The following ADPRHL1 variants were observed in gnomAD, a reference collection of about 807,000 sequenced individuals.
ADPRHL1 encodes the protein ADP-ribosylhydrolase like 1.
In ADPRHL1, 43 loss-of-function variants were observed where a neutral mutation model predicts 44.1. That is an observed-to-expected ratio of 0.98 (90% CI 0.76 to 1.26). ADPRHL1 has a LOEUF of 1.26. Ranked by LOEUF, ADPRHL1 falls within the 50% of genes most tolerant of loss-of-function variation. The pLI is 0.00. For synonymous variants in ADPRHL1, 878 were observed against 1,017.4 expected, an observed-to-expected ratio of 0.86 and a Z score of 2.61; for missense variants, 2,022 against 2,496.9, an observed-to-expected ratio of 0.81 and a Z score of 4.05.
intron 1 of ADPRHL1, among the ~76,000 whole-genome samples, chr13:113,451,654 A>G (rs1411061602): frequency 1.3e-5 from 2 of 152,110 alleles, no homozygotes; most frequent in African/African-American, 4.8e-5. Flanking sequence ...CTAAAAATAC[A>G]AAAATCAGCC....
intron 2 of ADPRHL1, among the ~76,000 whole-genome samples, chr13:113,438,577 C>T (rs1248517028): frequency 6.6e-6 from 1 of 152,086 alleles, no homozygotes. Context: ...ACCTGTAGTC[C>T]CAGCTACTCT....
chr13:113,409,938 C>T lies in ADPRHL1; in HGVS notation c.1062-1718G>A, dbSNP rs979256853. The T allele has an allele frequency of 1.1e-5, 11 of 984,038 alleles. No homozygotes were observed. The highest frequency in any genetic ancestry group is 4.7e-5 in the South Asian group (1 of 21,244). The allele number at this position is 984,038 out of a possible 1,614,324, so 61.0% of individuals were successfully genotyped here. ...GAAGCTGAGCAGGCTGAAAAGAGAC[C>T]GGAAGGAAATGTGTGAACATACTTC... On this transcript the variant is annotated intron_variant, in intron 7 of 7. Transcript: ENST00000612156. This position sits in a 1 kb window ranked among gnomAD's most constrained non-coding sequence, Gnocchi z 4.2.
At chr13:113,417,214 G>A (rs2043891340) in intron 7 of ADPRHL1, among the ~76,000 whole-genome samples, 1 of 152,200 alleles carries the variant, frequency 6.6e-6, no homozygotes. Context: ...TGTGGGACAA[G>A]ACAAGGCTGT....
At chr13:113,445,326 C>T (rs1379244006) in intron 1 of ADPRHL1, among the ~76,000 whole-genome samples, 1 of 152,266 alleles carries the variant, frequency 6.6e-6, no homozygotes, top group South Asian at 2.1e-4. Flanking sequence ...AAGGTGTTTG[C>T]CTGCAAAGCC....
chr13:113,431,421 A>G (rs926369309), intron 3 of ADPRHL1, among the ~76,000 whole-genome samples: 1 of 152,268 alleles, frequency 6.6e-6, no homozygotes, highest in East Asian at 1.9e-4. Flanking sequence ...GCCCGGCGGG[A>G]GGGCTGCAGC....
chr13:113,430,562 G>A (rs989268379), intron 3 of ADPRHL1, among the ~76,000 whole-genome samples: 1 of 152,176 alleles, frequency 6.6e-6, no homozygotes, highest in Non-Finnish European at 1.5e-5. Context: ...ACAGTGTGGT[G>A]CCAGTGACTG....
intron 1 of ADPRHL1, among the ~76,000 whole-genome samples, chr13:113,451,674 G>A (rs553896556): frequency 7.9e-5 from 12 of 152,230 alleles, no homozygotes; most frequent in African/African-American, 2.4e-4. Context: ...CGGGCGTGGT[G>A]GTGGGCACCT....
intron 2 of ADPRHL1, among the ~76,000 whole-genome samples, chr13:113,436,421 A>G (rs1485940883): frequency 6.5e-4 from 6 of 9,214 alleles, no homozygotes; most frequent in Non-Finnish European, 8.4e-4. Context: ...TGTAGGGTGA[A>G]CATAGGTGTA....
chr13:113,418,032 A>G (rs1000217099), intron 7 of ADPRHL1, among the ~76,000 whole-genome samples: 6 of 152,194 alleles, frequency 3.9e-5, no homozygotes, highest in Admixed American at 2.6e-4. Context: ...AGGTTATGCA[A>G]TCGCCAGGGT....
chr13:113,403,676 A>G lies in ADPRHL1; in HGVS notation c.5606T>C (p.Leu1869Pro), dbSNP rs1473877466. Reference sequence around the variant, plus strand: ...AGAGGTGGCAATGCTCTTGCCCCTGAGGGGGCGGCTTCCTGGGGGTGGGTA... The same window carrying G: ...AGAGGTGGCAATGCTCTTGCCCCTGGGGGGGCGGCTTCCTGGGGGTGGGTA... ...AGYPPPGSRP[L>P]RGKSIATSPL... Residue 1869 changes from leucine to proline, a missense_variant, in exon 8 of 8, where the codon CTC becomes CCC. Leu to Pro is a moderately conservative substitution (Grantham distance 98). This residue lies in a region of ADPRHL1 where 205 missense variants were observed against 250.1 expected (regional missense o/e 0.82). Transcript: ENST00000612156. 8.1e-7 allele frequency: 1 copy of G among 1,231,688 alleles called. No individual in the cohort carries two copies. Among genetic ancestry groups the G allele is most frequent in the African/African-American group, 1.6e-5 (1 of 64,336 alleles). The allele number at this position is 1,231,688 out of a possible 1,614,324, so 76.3% of individuals were successfully genotyped here. A position where few individuals can be genotyped will look rare whatever the true frequency, so the allele number is the denominator to read the frequency against.
intron 1 of ADPRHL1, among the ~76,000 whole-genome samples, chr13:113,452,259 C>A (rs2044183405): frequency 6.6e-6 from 1 of 152,156 alleles, no homozygotes; most frequent in African/African-American, 2.4e-5. Flanking sequence ...CAGTCGGACG[C>A]CTCCCCGTCT....
At position 113,407,440 on chromosome 13, in the gene ADPRHL1, C is replaced by A. The variant is rs548639724; in HGVS notation, c.1842G>T (p.Thr614=). 44 of 1,231,970 alleles carry A rather than the reference C, an allele frequency of 3.6e-5. No individual in the cohort carries two copies. The highest frequency in any genetic ancestry group is 4.5e-5 in the Non-Finnish European group (44 of 987,990). The allele number at this position is 1,231,970 out of a possible 1,614,324, so 76.3% of individuals were successfully genotyped here. A position where few individuals can be genotyped will look rare whatever the true frequency, so the allele number is the denominator to read the frequency against. The change falls in exon 8 of 8, where the codon ACG becomes ACT. Residue 614 remains threonine (T), a synonymous_variant. Coordinates refer to ENST00000612156, the MANE Select transcript of ADPRHL1 (RefSeq NM_001394807.1). ...TGCTGAGGGCCGGCAGGGGCTCAGC[C>A]GTGCAGGCCAGAAAGCGGGCAGGGG... ...KMPPARFLAC[T]AEPLPALSIA... is the part of the protein sequence containing the mutation.
Position 113,411,199 on chromosome 13 carries a change from A to G in ADPRHL1, c.1062-2979T>C, listed in dbSNP as rs551381639. Among the ~76,000 whole-genome samples the G allele has an allele frequency of 3.6e-3, 544 of 152,350 alleles. 3 individuals are homozygous for G. The highest frequency in any genetic ancestry group is 0.01 in the Middle Eastern group (3 of 294). On this transcript the variant is annotated intron_variant, in intron 7 of 7. Transcript: ENST00000612156. ...TGAAAAACAGAGCTGGAATTAAACC[A>G]GCTCATCCTCCTGCCTTGTTAGGAG...
chr13:113,451,672 G>A (rs1348256416), intron 1 of ADPRHL1, among the ~76,000 whole-genome samples: 5 of 152,110 alleles, frequency 3.3e-5, no homozygotes, highest in Non-Finnish European at 5.9e-5. Context: ...GCCGGGCGTG[G>A]TGGTGGGCAC....
chr13:113,408,068 C>A lies in ADPRHL1; in HGVS notation c.1214G>T (p.Gly405Val). Residue 405 changes from glycine (G) to valine (V), a missense_variant, in exon 8 of 8, where the codon GGG (glycine) becomes GTG (valine). Physicochemically the swap from Gly to Val is moderately radical, Grantham distance 109 (BLOSUM62 -3). Transcript: ENST00000612156. ...YVTGRADRPP[G>V]TEAGGSRPSH... ...GGGCCTGCTCCCCCCGGCCTCTGTC[C>A]CCGGGGGCCGGTCTGCGCGGCCCGT... The A allele has an allele frequency of 8.1e-7, 1 of 1,232,038 alleles. No individual in the cohort carries two copies. Among genetic ancestry groups the A allele is most frequent in the Non-Finnish European group, 1.0e-6 (1 of 987,972 alleles). The allele number at this position is 1,232,038 out of a possible 1,614,324, so 76.3% of individuals were successfully genotyped here. A position where few individuals can be genotyped will look rare whatever the true frequency, so the allele number is the denominator to read the frequency against.
At chr13:113,428,055 C>T (rs1377072477) in intron 4 of ADPRHL1, among the ~76,000 whole-genome samples, 2 of 152,116 alleles carry the variant, frequency 1.3e-5, no homozygotes, top group African/African-American at 2.4e-5. Context: ...GAAGTCAGGG[C>T]GACCTGGTGA....
intron 1 of ADPRHL1, among the ~76,000 whole-genome samples, chr13:113,447,809 G>T (rs964580031): frequency 6.6e-6 from 1 of 152,154 alleles, no homozygotes; most frequent in African/African-American, 2.4e-5. Context: ...CTGGATGGGG[G>T]TACAGCTGCG....
In ADPRHL1 at chr13:113,409,519, G is replaced by C; in HGVS notation, c.1062-1299C>G. ...CACAATGGCACGTCCACATTTGTGG[G>C]AGAAGAGTCGGTGGCCGGATGCGGC... On this transcript the variant is annotated intron_variant, in intron 7 of 7. Coordinates refer to ENST00000612156, the MANE Select transcript of ADPRHL1 (RefSeq NM_001394807.1). The surrounding 1 kb of genome is among the most constrained non-coding windows in gnomAD (Gnocchi z 4.2). 1.0e-6 allele frequency: 1 copy of C among 985,428 alleles called. No individual in the cohort carries two copies. The highest frequency in any genetic ancestry group is 1.2e-6 in the Non-Finnish European group (1 of 829,934). 61.0% of individuals were successfully genotyped at this position (985,428 alleles called of 1,614,324 possible).
intron 7 of ADPRHL1, among the ~76,000 whole-genome samples, chr13:113,413,736 C>T (rs945078219): frequency 3.3e-5 from 5 of 152,202 alleles, no homozygotes; most frequent in East Asian, 1.9e-4. Context: ...CCTGTGTGAC[C>T]GCTGCCCGCC....
Sources: allele counts gnomAD v4.1 joint callset (sites outside exome capture counted in the v4.1 genomes callset), GRCh38; gene constraint gnomAD v4.1.1; regional missense constraint gnomAD v4.1.1; non-coding constraint Gnocchi (gnomAD v3.1); transcripts MANE v1.5; gene names NCBI Gene and HGNC (gene_info 2026-07-23, HGNC 2026-07-21).